The following TMEM150C variants were observed in gnomAD, a reference collection of about 807,000 sequenced individuals.
TMEM150C encodes the protein transmembrane protein 150C, also known as tentonin 3.
Under a neutral mutation model 29.9 loss-of-function variants are expected in TMEM150C, and 10 were observed. The observed-to-expected ratio is 0.33, with a 90% CI of 0.21 to 0.57. The LOEUF (loss-of-function observed/expected upper bound fraction) is 0.57, where lower values mean the gene tolerates loss of function less well. Ranked by LOEUF, TMEM150C falls within the 20% of genes least tolerant of loss-of-function variation. TMEM150C has a pLI of 0.88. For synonymous variants in TMEM150C, 101 were observed against 112.5 expected (o/e 0.90, Z 0.64); for missense variants, 251 against 303.6 (o/e 0.83, Z 1.29).
At chr4:82,544,045 A>G (rs1443426471) in intron 1 of TMEM150C, among the ~76,000 whole-genome samples, 1 of 152,210 alleles carries the variant, frequency 6.6e-6, no homozygotes, top group African/African-American at 2.4e-5. Context: ...GTGAACCACT[A>G]TTACGAACGA....
chr4:82,496,151 C>T lies in TMEM150C; in HGVS notation c.280G>A (p.Val94Ile). 2 of 1,613,950 alleles carry T rather than the reference C, an allele frequency of 1.2e-6. No individual in the cohort carries two copies. Among genetic ancestry groups the T allele is most frequent in the African/African-American group, 1.3e-5 (1 of 75,032 alleles). Reference protein sequence around the residue: ...VLRFIQLKPKVLNPWLNISGL... With the variant: ...VLRFIQLKPKILNPWLNISGL... ...CTAATATTCAGCCACGGGTTTAAAA[C>T]CTTCGGTTTCAGTTGTATGAAGCGC... The change falls in exon 6 of 8, where the codon GTT becomes ATT. Residue 94 changes from valine to isoleucine, a missense_variant. Transcript: ENST00000449862.
chr4:82,557,473 C>T (rs1424856438), intron 1 of TMEM150C, among the ~76,000 whole-genome samples: 1 of 152,046 alleles, frequency 6.6e-6, no homozygotes, highest in African/African-American at 2.4e-5. Flanking sequence ...TTTCTCTGAA[C>T]CTCCTCTCCC....
chr4:82,485,370 A>T lies in TMEM150C; in HGVS notation c.*141T>A, dbSNP rs1723125419. ...ATTAAAGAAATAACTCGCCCTGAAA[A>T]GCTCATTTGGCAAATGTGGCCATGA... On this transcript the variant is annotated 3_prime_UTR_variant, in exon 8 of 8. Transcript: ENST00000449862. The T allele has an allele frequency of 1.5e-5, 10 of 673,452 alleles. No homozygotes were observed. In the South Asian group the frequency reaches 1.9e-4, roughly 13 times the overall value. 41.7% of individuals were successfully genotyped at this position (673,452 alleles called of 1,614,324 possible).
In TMEM150C at chr4:82,484,608, G is replaced by A. The variant is rs1271642501; in HGVS notation, c.*903C>T. On this transcript the variant is annotated 3_prime_UTR_variant, in exon 8 of 8. Transcript: ENST00000449862. ...TTTTCTTAGCTTCCCACGTAAGCCTGCAGGTGACCTCAGTTTTTCTTTGAT... is the reference window on the plus strand; with the variant it reads ...TTTTCTTAGCTTCCCACGTAAGCCTACAGGTGACCTCAGTTTTTCTTTGAT... 6.6e-6 allele frequency: 1 copy of A among 152,126 alleles called. No individual in the cohort carries two copies. Among genetic ancestry groups the A allele is most frequent in the Admixed American group, 6.5e-5 (1 of 15,270 alleles). The allele number at this position is 152,126 out of a possible 1,614,324, so 9.4% of individuals were successfully genotyped here.
chr4:82,550,528 C>T (rs996705022), intron 1 of TMEM150C, among the ~76,000 whole-genome samples: 7 of 152,110 alleles, frequency 4.6e-5, no homozygotes, highest in African/African-American at 1.2e-4. Flanking sequence ...GAGCCAGGCA[C>T]GATGGCTCAT....
chr4:82,540,114 C>CTTTTTTTTTTTTTTTTTTTTTTT (rs577728662), intron 1 of TMEM150C, among the ~76,000 whole-genome samples: 1 of 47,254 alleles, frequency 2.1e-5, no homozygotes. Flanking sequence ...TCTACCTATT[C>CTTTTTTTTTTTTTTTTTTTTTTT]TTTTTTTTTT....
At position 82,485,566 on chromosome 4, in the gene TMEM150C, A is replaced by G. The variant is rs1723133201; in HGVS notation, c.695T>C (p.Leu232Pro). 1.2e-6 allele frequency: 2 copies of G among 1,610,892 alleles called. No individual in the cohort carries two copies. The highest frequency in any genetic ancestry group is 1.1e-5 in the South Asian group (1 of 90,204). ...TTCTGACAGGCTTTCTGAGAAGCTTAGGAAATTCTCCTGGTACTCAGAGCA... is the reference window on the plus strand; with the variant it reads ...TTCTGACAGGCTTTCTGAGAAGCTTGGGAAATTCTCCTGGTACTCAGAGCA... ...IVCSEYQENF[L>P]SFSESLSEAS... is the part of the protein sequence containing the mutation. Residue 232 changes from leucine (L) to proline (P), a missense_variant, in exon 8 of 8, where the codon CTA becomes CCA. Transcript: ENST00000449862.
rs541378674 is a variant in TMEM150C, at chr4:82,549,711, T to G, written c.-11+12195A>C. Among the ~76,000 whole-genome samples, 87 of 152,384 alleles carry G rather than the reference T, an allele frequency of 5.7e-4. 1 individual carries two copies. Among genetic ancestry groups the G allele is most frequent in the African/African-American group, 2.0e-3 (85 of 41,592 alleles). ...CTTTAAACTTTTTCACTTCTTTTTG[T>G]AATCATCTCTTTATTGGAGATATAT... On this transcript the variant is annotated intron_variant, in intron 1 of 7. Transcript: ENST00000449862.
chr4:82,498,320 CCT>C (rs552985794), intron 5 of TMEM150C, among the ~76,000 whole-genome samples: 16 of 146,222 alleles, frequency 1.1e-4, no homozygotes, highest in African/African-American at 4.1e-4. Flanking sequence ...AGACAGAGTC[CCT>C]CTCTGTTGCC....
chr4:82,487,141 T>C (rs751422172), intron 7 of TMEM150C, among the ~76,000 whole-genome samples: 1 of 152,094 alleles, frequency 6.6e-6, no homozygotes, highest in Admixed American at 6.5e-5. Context: ...TCAGAATCAT[T>C]TGGTGAAAGC....
chr4:82,504,490 C>T (rs1305040529), intron 2 of TMEM150C, 88 bp downstream of exon 2: 14 of 1,095,714 alleles, frequency 1.3e-5, no homozygotes, highest in Middle Eastern at 4.4e-4. Context: ...CATGAGCCAC[C>T]GTGCCCGGCT....
intron 1 of TMEM150C, among the ~76,000 whole-genome samples, chr4:82,521,251 C>T (rs978559005): frequency 6.6e-6 from 1 of 152,198 alleles, no homozygotes. Context: ...CTTTCTTCTT[C>T]CACTAATTGC....
Position 82,485,332 on chromosome 4 carries a change from C to T in TMEM150C, c.*179G>A, listed in dbSNP as rs1723124027. 1.7e-6 allele frequency: 1 copy of T among 602,112 alleles called. No homozygotes were observed. Among genetic ancestry groups the T allele is most frequent in the Admixed American group, 2.9e-5 (1 of 34,384 alleles). The allele number at this position is 602,112 out of a possible 1,614,324, so 37.3% of individuals were successfully genotyped here. On this transcript the variant is annotated 3_prime_UTR_variant, in exon 8 of 8. Transcript: ENST00000449862. ...CAGCGTGTATTTCGACACATAAGGGCTTGTGCTTTTTCATTAAAGAAATAA... is the reference window on the plus strand; with the variant it reads ...CAGCGTGTATTTCGACACATAAGGGTTTGTGCTTTTTCATTAAAGAAATAA...
At chr4:82,552,914 G>T (rs1725628921) in intron 1 of TMEM150C, among the ~76,000 whole-genome samples, 1 of 152,200 alleles carries the variant, frequency 6.6e-6, no homozygotes, top group Non-Finnish European at 1.5e-5. Context: ...GAAGGGTGCT[G>T]CATCTTAGGG....
chr4:82,540,650 A>G (rs944149030), intron 1 of TMEM150C, among the ~76,000 whole-genome samples: 3 of 152,142 alleles, frequency 2.0e-5, no homozygotes, highest in African/African-American at 7.2e-5. Context: ...CATAATTACT[A>G]TATTTTTATC....
At chr4:82,508,882 C>T (rs1304101592) in intron 1 of TMEM150C, among the ~76,000 whole-genome samples, 1 of 152,138 alleles carries the variant, frequency 6.6e-6, no homozygotes, top group African/African-American at 2.4e-5. Flanking sequence ...TTAATTATAT[C>T]TAGGACAACG....
At chr4:82,547,654 T>C (rs1280386784) in intron 1 of TMEM150C, among the ~76,000 whole-genome samples, 1 of 152,058 alleles carries the variant, frequency 6.6e-6, no homozygotes, top group Non-Finnish European at 1.5e-5. Flanking sequence ...CACAATGTGA[T>C]ACCATCTCCC....
At chr4:82,498,225 G>T (rs1392057373) in intron 5 of TMEM150C, among the ~76,000 whole-genome samples, 2 of 151,878 alleles carry the variant, frequency 1.3e-5, no homozygotes, top group East Asian at 1.9e-4. Flanking sequence ...ATATTGGTCA[G>T]GCTGGTCTTG....
At chr4:82,499,118 C>T (rs1723647822) in intron 5 of TMEM150C, among the ~76,000 whole-genome samples, 1 of 152,126 alleles carries the variant, frequency 6.6e-6, no homozygotes, top group South Asian at 2.1e-4. Flanking sequence ...AACAGTTTTA[C>T]TAACACTTAG....
Sources: gnomAD v4.1 joint callset for allele counts (sites outside exome capture counted in the v4.1 genomes callset) on GRCh38, gnomAD v4.1.1 for gene constraint, MANE v1.5 for transcripts, NCBI Gene and HGNC (gene_info 2026-07-23, HGNC 2026-07-21) for gene names.